The following ADAMTSL3 variants were observed in gnomAD, a reference collection of about 807,000 sequenced individuals.
ADAMTSL3 encodes the protein ADAMTS-like protein 3.
A neutral mutation model predicts 201.7 loss-of-function variants in ADAMTSL3; 128 were observed. The ratio of observed to expected loss-of-function variants is 0.63; its 90% CI spans 0.55 to 0.73. The LOEUF is 0.73. Ranked by LOEUF, ADAMTSL3 falls within the 30% of genes least tolerant of loss-of-function variation. The pLI, the probability that ADAMTSL3 is intolerant of heterozygous loss-of-function variation, is 0.00. For missense variants in ADAMTSL3, 1,990 were observed against 2,119.6 expected (o/e 0.94, Z 1.20); for synonymous variants, 738 against 748.4 (o/e 0.99, Z 0.23).
chr15:83,718,144 T>G (rs1430115391), intron 3 of ADAMTSL3, among the ~76,000 whole-genome samples: 2 of 152,178 alleles, frequency 1.3e-5, no homozygotes, highest in African/African-American at 4.8e-5. Flanking sequence ...ATCCCTTCAC[T>G]GAAAAGGCAT....
intron 5 of ADAMTSL3, among the ~76,000 whole-genome samples, chr15:83,808,220 A>G (rs2063632996): frequency 1.3e-5 from 2 of 152,360 alleles, no homozygotes; most frequent in African/African-American, 4.8e-5. Context: ...AAATATTTGC[A>G]AACTAGACAG....
intron 17 of ADAMTSL3, among the ~76,000 whole-genome samples, chr15:83,929,078 G>A (rs898497550): frequency 1.2e-4 from 19 of 152,272 alleles, no homozygotes; most frequent in African/African-American, 4.1e-4. Context: ...GTGCACACAC[G>A]ACTATGAAAG....
intron 4 of ADAMTSL3, among the ~76,000 whole-genome samples, chr15:83,788,511 A>G (rs187356430): frequency 1.3e-5 from 2 of 152,298 alleles, no homozygotes; most frequent in Admixed American, 1.3e-4. Context: ...TGTAGAAATG[A>G]TTTTCCCTCA....
chr15:83,801,590 T>G (rs2141852994), intron 4 of ADAMTSL3, among the ~76,000 whole-genome samples: 1 of 141,286 alleles, frequency 7.1e-6, no homozygotes, highest in South Asian at 2.2e-4. Context: ...ATCTGTAGAA[T>G]ATTTCTCATA....
At chr15:83,872,395 T>A (rs542988684) in intron 9 of ADAMTSL3, among the ~76,000 whole-genome samples, 1 of 152,260 alleles carries the variant, frequency 6.6e-6, no homozygotes, top group Admixed American at 6.5e-5. Context: ...CCACAGACAT[T>A]TATGTTTCTG....
rs1434397679 is a variant in ADAMTSL3, at chr15:83,819,837, C to T, written c.390C>T (p.Phe130=). ...ACTGCCCTCCAGATGCAGAAGATTT[C>T]AGAGCCCAGCAGTGCTCAGCCTACA... ...NHDCPPDAED[F]RAQQCSAYND... The change falls in exon 6 of 30, where the codon TTC becomes TTT. Residue 130 remains phenylalanine, a synonymous_variant. Coordinates refer to ENST00000286744, the MANE Select transcript of ADAMTSL3 (RefSeq NM_207517.3). 6.2e-7 allele frequency: 1 copy of T among 1,613,952 alleles called. No homozygotes were observed. Among genetic ancestry groups the T allele is most frequent in the African/African-American group, 1.3e-5 (1 of 75,012 alleles).
chr15:83,707,195 C>T (rs1233622678), intron 3 of ADAMTSL3, among the ~76,000 whole-genome samples: 1 of 152,168 alleles, frequency 6.6e-6, no homozygotes, highest in African/African-American at 2.4e-5. Flanking sequence ...AGTTACTTTA[C>T]TTCCCTGTCC....
chr15:83,956,039 A>AC (rs1163315395), intron 19 of ADAMTSL3, among the ~76,000 whole-genome samples: 1 of 151,892 alleles, frequency 6.6e-6, no homozygotes, highest in Non-Finnish European at 1.5e-5. Context: ...TTCACTTAGG[A>AC]CCCCACAGCA....
intron 4 of ADAMTSL3, among the ~76,000 whole-genome samples, chr15:83,775,561 T>C (rs992649759): frequency 6.6e-6 from 1 of 152,162 alleles, no homozygotes; most frequent in Non-Finnish European, 1.5e-5. Flanking sequence ...GGAAGGGCAG[T>C]TGTTCAACTT....
At chr15:83,845,680 G>A (rs2064483247) in intron 7 of ADAMTSL3, among the ~76,000 whole-genome samples, 1 of 152,142 alleles carries the variant, frequency 6.6e-6, no homozygotes, top group South Asian at 2.1e-4. Flanking sequence ...AGAGAAAGAA[G>A]TCCCAGGAAC....
chr15:83,921,069 G>A (rs922761601), intron 16 of ADAMTSL3, among the ~76,000 whole-genome samples: 5 of 152,102 alleles, frequency 3.3e-5, no homozygotes, highest in Admixed American at 2.6e-4. Context: ...GTTGTTCATC[G>A]AGTCTGAAGT....
chr15:84,029,932 C>T (rs576528613), intron 27 of ADAMTSL3, among the ~76,000 whole-genome samples: 11 of 152,254 alleles, frequency 7.2e-5, no homozygotes, highest in Non-Finnish European at 1.5e-4. Context: ...AAGCCCCAAC[C>T]CTTGGCAGCT....
chr15:84,010,668 T>C (rs2067992155), intron 23 of ADAMTSL3, among the ~76,000 whole-genome samples: 1 of 152,212 alleles, frequency 6.6e-6, no homozygotes, highest in South Asian at 2.1e-4. Flanking sequence ...AATGAATGAA[T>C]TGATCTCACA....
intron 3 of ADAMTSL3, among the ~76,000 whole-genome samples, chr15:83,707,004 A>G (rs2061862063): frequency 6.6e-6 from 1 of 152,084 alleles, no homozygotes; most frequent in Admixed American, 6.5e-5. Context: ...CATGCTTCTC[A>G]GGCACTGGGG....
intron 3 of ADAMTSL3, among the ~76,000 whole-genome samples, chr15:83,709,977 A>T (rs1164123337): frequency 6.6e-6 from 1 of 150,702 alleles, no homozygotes; most frequent in Non-Finnish European, 1.5e-5. Flanking sequence ...TGTACCTGTT[A>T]ATATTAATAT....
At chr15:83,859,215 A>T (rs2064805188) in intron 8 of ADAMTSL3, among the ~76,000 whole-genome samples, 1 of 152,244 alleles carries the variant, frequency 6.6e-6, no homozygotes, top group African/African-American at 2.4e-5. Context: ...AAAAGGTGGA[A>T]TATCTTGAAG....
At chr15:83,717,000 A>G (rs1567095207) in intron 3 of ADAMTSL3, among the ~76,000 whole-genome samples, 1 of 152,234 alleles carries the variant, frequency 6.6e-6, no homozygotes, top group Non-Finnish European at 1.5e-5. Flanking sequence ...CTGCATTAAG[A>G]CATATATTTA....
chr15:83,676,941 A>G (rs1437501209), intron 2 of ADAMTSL3, among the ~76,000 whole-genome samples: 1 of 152,204 alleles, frequency 6.6e-6, no homozygotes, highest in East Asian at 1.9e-4. Flanking sequence ...TGAGAAATAC[A>G]TTTCTGTTTT....
chr15:83,804,849 A>G (rs1271942963), intron 5 of ADAMTSL3, among the ~76,000 whole-genome samples, 154 bp downstream of exon 5: 2 of 152,202 alleles, frequency 1.3e-5, no homozygotes, highest in African/African-American at 4.8e-5. Flanking sequence ...TGTATATCAA[A>G]TATCTTCCAT....
Sources: gnomAD v4.1 joint callset for allele counts (sites outside exome capture counted in the v4.1 genomes callset) on GRCh38, gnomAD v4.1.1 for gene constraint, MANE v1.5 for transcripts, NCBI Gene and HGNC (gene_info 2026-07-23, HGNC 2026-07-21) for gene names.